NLRP11: variants seen among roughly 807,000 people sequenced by gnomAD.
NLRP11 encodes the protein NACHT, LRR and PYD domains-containing protein 11.
Under a neutral mutation model 79.3 loss-of-function variants are expected in NLRP11, and 53 were observed. The observed-to-expected ratio is 0.67, with a 90% confidence interval of 0.54 to 0.84. NLRP11 has a LOEUF of 0.84. Ranked by LOEUF, NLRP11 falls within the 40% of genes least tolerant of loss-of-function variation. NLRP11 has a pLI of 0.00. For missense variants in NLRP11, 1,264 were observed against 1,255.0 expected (o/e 1.01, Z -0.11); for synonymous variants, 518 against 462.6 (o/e 1.12, Z -1.54).
intron 6 of NLRP11, 49 bp from the exon 7 acceptor site, chr19:55,792,520 G>A: frequency 6.5e-7 from 1 of 1,541,998 alleles, no homozygotes; most frequent in African/African-American, 1.4e-5. Context: ...ACCAGAGAGG[G>A]GAGCACCTGA....
chr19:55,824,155 C>G (rs9749490), intron 1 of NLRP11, among the ~76,000 whole-genome samples: 17,011 of 99,976 alleles, frequency 0.17, 1,586 homozygotes, highest in African/African-American at 0.29. Context: ...TTCATATCCA[C>G]CCAAACTAAG....
upstream of NLRP11, chr19:55,832,996 A>T (rs552752456): frequency 3.3e-5 from 5 of 152,220 alleles, no homozygotes; most frequent in Non-Finnish European, 7.3e-5. Flanking sequence ...TCTATTGATA[A>T]ATTGTTAGGA....
chr19:55,808,290 T>C (rs1980206077), intron 3 of NLRP11, among the ~76,000 whole-genome samples: 1 of 152,222 alleles, frequency 6.6e-6, no homozygotes, highest in South Asian at 2.1e-4. Flanking sequence ...AAAATCAATG[T>C]TGCATGTTTT....
At position 55,785,633 on chromosome 19, in the gene NLRP11, G is replaced by A. The variant is rs1299961583; in HGVS notation, c.3094C>T (p.Pro1032Ser). The A allele has an allele frequency of 1.4e-5, 22 of 1,612,906 alleles. No individual in the cohort carries two copies. The highest frequency in any genetic ancestry group is 1.9e-5 in the Non-Finnish European group (22 of 1,179,558). Residue 1032 changes from proline (P) to serine (S), a missense_variant, in exon 10 of 10, where the codon CCC (proline) becomes TCC (serine). Physicochemically the swap from Pro to Ser is moderately conservative, Grantham distance 74. Transcript: ENST00000589093. ...GTTTACGTACAACATGATCAAAGGG[G>A]TTGCCTAGATGCTGTATTTGACGTT...
At chr19:55,818,167 T>A in exon 2 of NLRP11, 1 of 1,611,150 alleles carries the variant, frequency 6.2e-7, no homozygotes, top group Non-Finnish European at 8.5e-7. Context: ...AGAATCCGAT[T>A]CTGCCATCTT....
intron 6 of NLRP11, among the ~76,000 whole-genome samples, chr19:55,793,685 G>A (rs911554738): frequency 2.0e-5 from 3 of 151,474 alleles, no homozygotes; most frequent in Non-Finnish European, 4.4e-5. Context: ...CACCAAACCT[G>A]GCCCCTCCCT....
chr19:55,817,720 G>A (rs1343202213), intron 2 of NLRP11, among the ~76,000 whole-genome samples, 184 bp downstream of exon 2: 1 of 151,514 alleles, frequency 6.6e-6, no homozygotes, highest in African/African-American at 2.4e-5. Context: ...TGGGTACAGT[G>A]TGCACTGCTC....
chr19:55,813,013 G>A (rs1200799502), intron 2 of NLRP11, among the ~76,000 whole-genome samples: 1 of 152,032 alleles, frequency 6.6e-6, no homozygotes, highest in South Asian at 2.1e-4. Context: ...AAGGTCAAAG[G>A]CATGTTGAAA....
intron 2 of NLRP11, among the ~76,000 whole-genome samples, chr19:55,811,470 C>A (rs1011447780): frequency 6.6e-6 from 1 of 152,060 alleles, no homozygotes; most frequent in Non-Finnish European, 1.5e-5. Flanking sequence ...CAATGATGAA[C>A]AGCTGCAGCA....
chr19:55,828,271 T>A (rs1279817480), intron 1 of NLRP11, among the ~76,000 whole-genome samples: 3 of 60,606 alleles, frequency 4.9e-5, no homozygotes, highest in Admixed American at 1.9e-4. Flanking sequence ...TGTGGTGGGG[T>A]GGGGGGAAGG....
chr19:55,833,814 C>CAAAT (rs1983009666), upstream of NLRP11, among the ~76,000 whole-genome samples: 1 of 84,650 alleles, frequency 1.2e-5, no homozygotes, highest in South Asian at 4.1e-4. Flanking sequence ...CACGGATGAA[C>CAAAT]AAATAATAGT....
chr19:55,817,315 C>T (rs1981226708), intron 2 of NLRP11, among the ~76,000 whole-genome samples: 1 of 152,124 alleles, frequency 6.6e-6, no homozygotes, highest in Non-Finnish European at 1.5e-5. Context: ...CCAGCAATCC[C>T]ACTACTGTGT....
intron 1 of NLRP11, among the ~76,000 whole-genome samples, chr19:55,831,085 A>G (rs1284426634): frequency 1.6e-5 from 1 of 62,278 alleles, no homozygotes; most frequent in Non-Finnish European, 3.0e-5. Flanking sequence ...ATAACATGTT[A>G]AGACCCACCG....
intron 2 of NLRP11, among the ~76,000 whole-genome samples, chr19:55,814,675 A>G (rs1341758164): frequency 6.6e-6 from 1 of 152,226 alleles, no homozygotes; most frequent in East Asian, 1.9e-4. Context: ...TTTTTAAAAT[A>G]TCTAAAATAT....
At chr19:55,804,399 T>C (rs1979779902) in intron 4 of NLRP11, among the ~76,000 whole-genome samples, 1 of 151,896 alleles carries the variant, frequency 6.6e-6, no homozygotes, top group South Asian at 2.1e-4. Flanking sequence ...ACGTGATACA[T>C]ATATACCATG....
At chr19:55,833,517 G>A (rs909074282), upstream of NLRP11, among the ~76,000 whole-genome samples, 1 of 151,936 alleles carries the variant, frequency 6.6e-6, no homozygotes, top group African/African-American at 2.4e-5. Flanking sequence ...TGTAATCCCA[G>A]CACTTTGGGA....
At chr19:55,820,276 C>T (rs1190316480) in intron 1 of NLRP11, among the ~76,000 whole-genome samples, 1 of 152,128 alleles carries the variant, frequency 6.6e-6, no homozygotes, top group Non-Finnish European at 1.5e-5. Context: ...CAGGGAGTCG[C>T]TTTCATGTTA....
At chr19:55,826,868 C>T (rs2122923632) in intron 1 of NLRP11, among the ~76,000 whole-genome samples, 1 of 94,376 alleles carries the variant, frequency 1.1e-5, no homozygotes, top group South Asian at 4.0e-4. Context: ...CAATGCCATC[C>T]CCATCAAGCT....
At chr19:55,828,375 C>T (rs1292633443) in intron 1 of NLRP11, among the ~76,000 whole-genome samples, 1 of 151,438 alleles carries the variant, frequency 6.6e-6, no homozygotes, top group African/African-American at 2.4e-5. Context: ...ATGTAACTAA[C>T]CTGCACAATG....
Sources: gnomAD v4.1 joint callset for allele counts (sites outside exome capture counted in the v4.1 genomes callset) on GRCh38, gnomAD v4.1.1 for gene constraint, MANE v1.5 for transcripts, NCBI Gene and HGNC (gene_info 2026-07-23, HGNC 2026-07-21) for gene names.